CFAP299: variants seen among roughly 807,000 people sequenced by gnomAD.
CFAP299 encodes cilia- and flagella-associated protein 299.
Under a neutral mutation model 27.0 loss-of-function variants are expected in CFAP299, and 21 were observed. The ratio of observed to expected loss-of-function variants is 0.78; its 90% CI spans 0.55 to 1.12. The LOEUF (loss-of-function observed/expected upper bound fraction) is 1.12, where lower values mean the gene tolerates loss of function less well. Among genes scored for constraint, CFAP299 ranks in the 50% most tolerant of loss-of-function variants. The pLI, the probability that CFAP299 is intolerant of heterozygous loss-of-function variation, is 0.00. For synonymous variants in CFAP299, 104 were observed against 98.1 expected (o/e 1.06, Z -0.36); for missense variants, 310 against 276.6 (o/e 1.12, Z -0.86).
At chr4:80,846,772 C>T (rs1560442020) in intron 3 of CFAP299, among the ~76,000 whole-genome samples, 2 of 152,124 alleles carry the variant, frequency 1.3e-5, no homozygotes, top group Admixed American at 1.3e-4. Flanking sequence ...GGTATGACCA[C>T]ATTCTTTTCT....
chr4:80,760,009 C>A (rs1243230014), intron 3 of CFAP299, among the ~76,000 whole-genome samples: 2 of 151,726 alleles, frequency 1.3e-5, no homozygotes, highest in African/African-American at 4.8e-5. Flanking sequence ...GTATCCAGGG[C>A]CAGAGAAAAA....
At chr4:80,403,282 GA>G (rs1215490466) in intron 2 of CFAP299, among the ~76,000 whole-genome samples, 2 of 152,030 alleles carry the variant, frequency 1.3e-5, no homozygotes, top group Non-Finnish European at 2.9e-5. Flanking sequence ...CATAAGTGCT[GA>G]AAAAAATTTC....
At chr4:80,639,322 G>A (rs923058407) in intron 3 of CFAP299, among the ~76,000 whole-genome samples, 4 of 152,136 alleles carry the variant, frequency 2.6e-5, no homozygotes, top group East Asian at 1.9e-4. Flanking sequence ...TGCAGTGTCC[G>A]CTCTTCACCT....
intron 4 of CFAP299, among the ~76,000 whole-genome samples, chr4:80,900,137 T>TGTGTGTGTGTGTGTGC (rs1734815121): frequency 6.6e-6 from 1 of 151,078 alleles, no homozygotes; most frequent in African/African-American, 2.4e-5. Flanking sequence ...TGTGTGTGTG[T>TGTGTGTGTGTGTGTGC]GTGTGTGTGT....
At chr4:80,714,357 C>A (rs1296323285) in intron 3 of CFAP299, among the ~76,000 whole-genome samples, 1 of 152,012 alleles carries the variant, frequency 6.6e-6, no homozygotes, top group Non-Finnish European at 1.5e-5. Context: ...GTAAATAGTC[C>A]TATTCAACTT....
intron 3 of CFAP299, among the ~76,000 whole-genome samples, chr4:80,854,087 A>G (rs969240321): frequency 2.0e-5 from 3 of 152,194 alleles, no homozygotes; most frequent in African/African-American, 7.2e-5. Context: ...GAAGAGAAGG[A>G]GCCAATTAAG....
chr4:80,607,685 G>T (rs538946342), intron 3 of CFAP299, among the ~76,000 whole-genome samples: 2 of 152,160 alleles, frequency 1.3e-5, no homozygotes, highest in Non-Finnish European at 2.9e-5. Flanking sequence ...CAAAGAAGTC[G>T]ACAGTGATCG....
rs187064199 is a variant in CFAP299, at chr4:80,697,300, A to G, written c.333+114117A>G. ...GAATATTTTTATAGGATATAAACCT[A>G]TCTTTAACCTATCTTATTTTATAGG... On this transcript the variant is annotated intron_variant, in intron 3 of 5. Coordinates refer to ENST00000358105, the MANE Select transcript of CFAP299 (RefSeq NM_152770.3). Among the ~76,000 whole-genome samples, 366 of 152,320 alleles carry G rather than the reference A, an allele frequency of 2.4e-3. 1 individual carries two copies. The highest frequency in any genetic ancestry group is 8.4e-3 in the African/African-American group (348 of 41,566).
At chr4:80,477,056 T>C (rs561958197) in intron 2 of CFAP299, among the ~76,000 whole-genome samples, 1 of 152,198 alleles carries the variant, frequency 6.6e-6, no homozygotes, top group Admixed American at 6.5e-5. Context: ...CTACCATCTC[T>C]GCTTCTTTTT....
rs188425143 is a variant in CFAP299, at chr4:80,845,261, C to T, written c.334-24732C>T. ...CATGCATCCTCATTCATACCACCAT[C>T]TGCTCAAGTCCCACACTGTTTTTTT... On this transcript the variant is annotated intron_variant, in intron 3 of 5. Coordinates refer to ENST00000358105, the MANE Select transcript of CFAP299 (RefSeq NM_152770.3). Among the ~76,000 whole-genome samples the T allele has an allele frequency of 1.3e-3, 185 of 147,930 alleles. 1 individual carries two copies. Among genetic ancestry groups the T allele is most frequent in the Middle Eastern group, 3.6e-3 (1 of 278 alleles).
intron 4 of CFAP299, among the ~76,000 whole-genome samples, chr4:80,898,310 A>G (rs1359615919): frequency 2.0e-5 from 3 of 152,002 alleles, no homozygotes; most frequent in Non-Finnish European, 2.9e-5. Context: ...TCCTCCCCCA[A>G]AGTCTGGCTA....
chr4:80,648,380 G>T (rs1268984065), intron 3 of CFAP299, among the ~76,000 whole-genome samples: 2 of 152,142 alleles, frequency 1.3e-5, no homozygotes, highest in Non-Finnish European at 2.9e-5. Context: ...TTGGGCATTT[G>T]TATGTTTTAC....
intron 3 of CFAP299, among the ~76,000 whole-genome samples, chr4:80,726,721 A>G (rs994855620): frequency 6.6e-6 from 1 of 152,196 alleles, no homozygotes; most frequent in Non-Finnish European, 1.5e-5. Flanking sequence ...TAACTTAAAC[A>G]TTGTGGGGAC....
At chr4:80,526,457 C>T (rs1219582878) in intron 2 of CFAP299, among the ~76,000 whole-genome samples, 1 of 152,050 alleles carries the variant, frequency 6.6e-6, no homozygotes, top group Non-Finnish European at 1.5e-5. Context: ...AGACTAGAGA[C>T]AGAGTTAAAG....
chr4:80,411,280 A>G (rs569928119), intron 2 of CFAP299, among the ~76,000 whole-genome samples: 6 of 152,336 alleles, frequency 3.9e-5, no homozygotes, highest in African/African-American at 1.4e-4. Flanking sequence ...ATTTGAAGAA[A>G]CAGCAATCCA....
intron 2 of CFAP299, among the ~76,000 whole-genome samples, chr4:80,440,905 T>C (rs1245989492): frequency 6.6e-6 from 1 of 152,132 alleles, no homozygotes; most frequent in Non-Finnish European, 1.5e-5. Flanking sequence ...GAGAACTTCA[T>C]GAAGCATCCT....
chr4:80,687,993 AC>A (rs1163071553), intron 3 of CFAP299, among the ~76,000 whole-genome samples: 3 of 152,142 alleles, frequency 2.0e-5, no homozygotes, highest in African/African-American at 7.2e-5. Context: ...GGCTTAAAAA[AC>A]GGCGCACCAG....
At chr4:80,386,400 G>A in intron 2 of CFAP299, 1 of 1,537,030 alleles carries the variant, frequency 6.5e-7, no homozygotes, top group Non-Finnish European at 8.8e-7. Context: ...CACCAGACCA[G>A]CCCCTGTGTC....
chr4:80,823,597 T>C (rs1267697932), intron 3 of CFAP299, among the ~76,000 whole-genome samples: 1 of 152,144 alleles, frequency 6.6e-6, no homozygotes, highest in Non-Finnish European at 1.5e-5. Context: ...TTAAAATTCT[T>C]TAAGGAGCAT....
Sources: gnomAD v4.1 joint callset for allele counts (sites outside exome capture counted in the v4.1 genomes callset) on GRCh38, gnomAD v4.1.1 for gene constraint, MANE v1.5 for transcripts, NCBI Gene and HGNC (gene_info 2026-07-23, HGNC 2026-07-21) for gene names.